The following HLA-DRB1 variants were observed in gnomAD, a reference collection of about 807,000 sequenced individuals.
The protein encoded by HLA-DRB1 is major histocompatibility complex, class II, DR beta 1 precursor.
HLA-DRB1 carries 10 observed loss-of-function variants against 27.9 expected under a neutral mutation model. That is an observed-to-expected ratio of 0.36 (90% confidence interval 0.22 to 0.61). HLA-DRB1 has a LOEUF of 0.61. Among genes scored for constraint, HLA-DRB1 ranks in the 20% least tolerant of loss-of-function variants. The pLI, the probability that HLA-DRB1 is intolerant of heterozygous loss-of-function variation, is 0.73. For synonymous variants in HLA-DRB1, 57 were observed against 126.7 expected (o/e 0.45, Z 3.69); for missense variants, 118 against 306.3 (o/e 0.39, Z 4.59).
chr6:32,585,522 C>T (rs35123514), intron 1 of HLA-DRB1, among the ~76,000 whole-genome samples: 2,630 of 72,530 alleles, frequency 0.036, no homozygotes, highest in East Asian at 0.16. Flanking sequence ...CACTCGAATA[C>T]ATTCCCATTT....
chr6:32,588,721 C>T (rs1206260444), intron 1 of HLA-DRB1, among the ~76,000 whole-genome samples: 1 of 66,296 alleles, frequency 1.5e-5, no homozygotes. Context: ...CACATCATCT[C>T]GGTAACCCCA....
At chr6:32,582,072 C>T (rs9269825) in intron 2 of HLA-DRB1, among the ~76,000 whole-genome samples, 78,300 of 98,784 alleles carry the variant, frequency 0.79, 33,045 homozygotes, top group Middle Eastern at 0.86. Flanking sequence ...AGTTTTAAAT[C>T]GGCATGCATT....
chr6:32,581,143 A>G (rs9269779), intron 3 of HLA-DRB1, among the ~76,000 whole-genome samples: 33,511 of 54,432 alleles, frequency 0.62, 13,559 homozygotes, highest in Middle Eastern at 0.76. Context: ...TAGAGTGACA[A>G]AGCTAATAAA....
chr6:32,582,287 G>T (rs41293185), intron 2 of HLA-DRB1, among the ~76,000 whole-genome samples: 41,519 of 116,590 alleles, frequency 0.36, 9,873 homozygotes, highest in Middle Eastern at 0.48. Flanking sequence ...GAGGATTAAT[G>T]CACGTAAAAT....
At chr6:32,588,806 A>G (rs1283190775) in intron 1 of HLA-DRB1, among the ~76,000 whole-genome samples, 163 of 66,790 alleles carry the variant, frequency 2.4e-3, no homozygotes, top group Middle Eastern at 0.013. Context: ...AGAATTTCAT[A>G]TAATTTATAC....
chr6:32,587,728 CTT>C (rs34904201), intron 1 of HLA-DRB1, among the ~76,000 whole-genome samples: 44,445 of 111,928 alleles, frequency 0.4, 11,033 homozygotes, highest in Middle Eastern at 0.58. Flanking sequence ...CCATGTCTCT[CTT>C]TTTCACAAAC....
chr6:32,587,610 G>A (rs35791003), intron 1 of HLA-DRB1, among the ~76,000 whole-genome samples: 6,143 of 60,376 alleles, frequency 0.1, 519 homozygotes, highest in Middle Eastern at 0.22. Context: ...GGTCTCCCTG[G>A]AACTTTCATC....
At chr6:32,582,625 G>T (rs34653257) in intron 2 of HLA-DRB1, among the ~76,000 whole-genome samples, 41 of 95,292 alleles carry the variant, frequency 4.3e-4, no homozygotes, top group East Asian at 9.8e-4. Context: ...AAAAGCATGA[G>T]TCCTGAAGCA....
intron 1 of HLA-DRB1, among the ~76,000 whole-genome samples, chr6:32,586,866 G>C: frequency 2.5e-5 from 2 of 78,678 alleles, no homozygotes; most frequent in African/African-American, 4.4e-5. Flanking sequence ...GAATAAGCTT[G>C]ATTGTTCTAC....
chr6:32,583,550 C>A (rs1775866372), intron 2 of HLA-DRB1, among the ~76,000 whole-genome samples: 1 of 66,428 alleles, frequency 1.5e-5, no homozygotes, highest in Non-Finnish European at 3.0e-5. Flanking sequence ...GAGGTCTACT[C>A]AGTTCCTCTA....
chr6:32,584,425 A>C, intron 1 of HLA-DRB1, 47 bp from the exon 2 acceptor site: 1 of 781,694 alleles, frequency 1.3e-6, no homozygotes, highest in Non-Finnish European at 1.9e-6. Context: ...TCCTGAGAAG[A>C]CACGGACAGC....
intron 3 of HLA-DRB1, 38 bp from the exon 4 acceptor site, chr6:32,580,894 A>G (rs41286835): frequency 0.14 from 197,868 of 1,368,232 alleles, 311 homozygotes; most frequent in South Asian, 0.29. Context: ...GTTTATTCCA[A>G]ATTGAACCTT....
At chr6:32,584,459 G>GGGCGGGGTGC (rs1776085397) in intron 1 of HLA-DRB1, 81 bp from the exon 2 acceptor site, 1 of 655,122 alleles carries the variant, frequency 1.5e-6, no homozygotes. Flanking sequence ...GGGGCTCCCT[G>GGGCGGGGTGC]AGCGGGGTGC....
chr6:32,581,219 C>T (rs28732309), intron 3 of HLA-DRB1, among the ~76,000 whole-genome samples: 4,226 of 68,352 alleles, frequency 0.062, 310 homozygotes, highest in East Asian at 0.11. Context: ...CTTCCCAGAT[C>T]ACAAAAAATA....
chr6:32,581,893 G>T (rs9269812), intron 2 of HLA-DRB1, 55 bp from the exon 3 acceptor site: 246,728 of 823,038 alleles, frequency 0.3, 49,750 homozygotes, highest in East Asian at 0.47. Flanking sequence ...TAAGTCTCCT[G>T]GTTTGGCTGT....
chr6:32,584,448 CG>C, intron 1 of HLA-DRB1, 70 bp from the exon 2 acceptor site: 2 of 675,134 alleles, frequency 3.0e-6, no homozygotes, highest in Non-Finnish European at 2.2e-6. Flanking sequence ...CGCCACCATC[CG>C]GGGCTCCCTG....
chr6:32,580,872 A>G lies in HLA-DRB1; in HGVS notation c.653-16T>C, dbSNP rs779122640. 1.1e-5 allele frequency: 18 copies of G among 1,597,352 alleles called. No homozygotes were observed. The highest frequency in any genetic ancestry group is 1.5e-5 in the Non-Finnish European group (17 of 1,168,938). Reference sequence around the variant, plus strand: ...GACCGTGCTCCTGAGAGAGGAAGCCAGGTTTAGTGATGTTTATTCCAAATT... The same window carrying G: ...GACCGTGCTCCTGAGAGAGGAAGCCGGGTTTAGTGATGTTTATTCCAAATT... On this transcript the variant is annotated splice_polypyrimidine_tract_variant and intron_variant, in intron 3 of 5. Coordinates refer to ENST00000360004, the Ensembl canonical transcript of HLA-DRB1.
At chr6:32,588,469 G>A (rs9270202) in intron 1 of HLA-DRB1, among the ~76,000 whole-genome samples, 1 of 29,526 alleles carries the variant, frequency 3.4e-5, no homozygotes. Context: ...GAGAAAAAAA[G>A]TCTCTTTCAA....
At chr6:32,588,779 T>G in intron 1 of HLA-DRB1, among the ~76,000 whole-genome samples, 1 of 65,720 alleles carries the variant, frequency 1.5e-5, no homozygotes, top group African/African-American at 6.1e-5. Flanking sequence ...TAGTTGATTA[T>G]TTTTGACTTA....
Sources: allele counts gnomAD v4.1 joint callset (sites outside exome capture counted in the v4.1 genomes callset), GRCh38; gene constraint gnomAD v4.1.1; transcripts MANE v1.5; gene names NCBI Gene and HGNC (gene_info 2026-07-23, HGNC 2026-07-21).